The following GNAS variants were observed in gnomAD, a reference collection of about 807,000 sequenced individuals.
GNAS encodes GNAS complex locus.
A neutral mutation model predicts 54.5 loss-of-function variants in GNAS; 8 were observed. The ratio of observed to expected loss-of-function variants is 0.15; its 90% CI spans 0.09 to 0.26. The LOEUF (loss-of-function observed/expected upper bound fraction) is 0.26. GNAS is among the 10% of genes least tolerant of loss of function. The pLI, the probability that GNAS is intolerant of heterozygous loss-of-function variation, is 1.00. For missense variants in GNAS, 170 were observed against 529.8 expected (o/e 0.32, Z 6.67); for synonymous variants, 204 against 191.4 (o/e 1.07, Z -0.54).
intron 6 of GNAS, among the ~76,000 whole-genome samples, chr20:58,907,285 T>A (rs573384547): frequency 8.5e-5 from 13 of 152,214 alleles, no homozygotes; most frequent in Non-Finnish European, 1.6e-4. Flanking sequence ...CAAATGTGTA[T>A]ATTTTTTCAA....
At chr20:58,871,613 G>GAAAAAAAAAAAAAAAAA (rs757702769) in intron 1 of GNAS, among the ~76,000 whole-genome samples, 1 of 32,732 alleles carries the variant, frequency 3.1e-5, no homozygotes, top group African/African-American at 9.8e-5. Context: ...ATACTCCGTC[G>GAAAAAAAAAAAAAAAAA]AAAAAAAAAA....
chr20:58,908,798 A>G (rs1418951166), intron 6 of GNAS: 4 of 310,316 alleles, frequency 1.3e-5, no homozygotes, highest in Non-Finnish European at 2.5e-5. Context: ...TAAAGAAGCT[A>G]AGTAAAGAAT....
chr20:58,853,849 C>A lies in GNAS; in HGVS notation c.43+12963C>A, dbSNP rs780533831. 1.3e-6 allele frequency: 2 copies of A among 1,594,834 alleles called. No individual in the cohort carries two copies. Among genetic ancestry groups the A allele is most frequent in the Non-Finnish European group, 1.7e-6 (2 of 1,171,278 alleles). On this transcript the variant is annotated intron_variant, in intron 1 of 12. Coordinates refer to the GNAS transcript ENST00000306090. This position sits in a 1 kb window ranked among gnomAD's most constrained non-coding sequence, Gnocchi z 4.4. ...GGAGGCCCAGGTGCTGCAGGGGTCC[C>A]CGGAGCTCCTCCCGAGGAGCCCCAA... is the stretch of plus-strand genomic sequence containing the variant.
chr20:58,907,898 G>C (rs573311183), intron 6 of GNAS, among the ~76,000 whole-genome samples: 4 of 152,310 alleles, frequency 2.6e-5, no homozygotes, highest in African/African-American at 9.6e-5. Context: ...TATTTGTTGA[G>C]CTGGGGTTTG....
rs1215332974 is a variant in GNAS, at chr20:58,910,908, A to G, written c.*79A>G. On this transcript the variant is annotated 3_prime_UTR_variant, in exon 13 of 13. Coordinates refer to ENST00000371085, the MANE Select transcript of GNAS (RefSeq NM_000516.7). The surrounding 1 kb of genome is among the most constrained non-coding windows in gnomAD (Gnocchi z 5.8). ...AACGTAATTGTACAAGCAGTTAATCACCCACCATAGGGCATGATTAACAAA... is the reference window on the plus strand; with the variant it reads ...AACGTAATTGTACAAGCAGTTAATCGCCCACCATAGGGCATGATTAACAAA... The G allele has an allele frequency of 2.2e-6, 3 of 1,387,302 alleles. No homozygotes were observed. In the African/African-American group the frequency reaches 4.2e-5, roughly 20 times the overall value. 85.9% of individuals were successfully genotyped at this position (1,387,302 alleles called of 1,614,324 possible).
chr20:58,896,675 C>G (rs1466573293), intron 2 of GNAS, among the ~76,000 whole-genome samples: 1 of 151,848 alleles, frequency 6.6e-6, no homozygotes, highest in African/African-American at 2.4e-5. Flanking sequence ...GTTGACCAGT[C>G]TGTTTTCACT....
chr20:58,841,341 G>A lies in GNAS; in HGVS notation c.43+455G>A. The A allele has an allele frequency of 1.9e-6, 2 of 1,060,442 alleles. No homozygotes were observed. The highest frequency in any genetic ancestry group is 2.3e-6 in the Non-Finnish European group (2 of 876,424). 65.7% of individuals were successfully genotyped at this position (1,060,442 alleles called of 1,614,324 possible). A position where few individuals can be genotyped will look rare whatever the true frequency, so the allele number is the denominator to read the frequency against. On this transcript the variant is annotated intron_variant, in intron 1 of 12. Transcript: ENST00000306090. The surrounding 1 kb of genome is among the most constrained non-coding windows in gnomAD (Gnocchi z 5.0). ...GCGCGCGCCAACTTTCACGATGTGA[G>A]AGCAGCCGCGCTGTAGAGACACCGT...
rs142641868 is a variant in GNAS at position 58,843,654 on chromosome 20, G to C, written c.43+2768G>C. Among the ~76,000 whole-genome samples the C allele has an allele frequency of 1.7e-3, 261 of 152,346 alleles. 1 individual carries two copies. Among genetic ancestry groups the C allele is most frequent in the Non-Finnish European group, 2.8e-3 (189 of 68,036 alleles). Reference sequence around the variant, plus strand: ...AATATTTCAAATGGAGGGTGAGGGAGGAGGAGGAGCAGGAGAATAAAGCTA... The same window carrying C: ...AATATTTCAAATGGAGGGTGAGGGACGAGGAGGAGCAGGAGAATAAAGCTA... On this transcript the variant is annotated intron_variant, in intron 1 of 12. Transcript: ENST00000306090.
At chr20:58,875,469 G>C (rs906478406) in intron 1 of GNAS, among the ~76,000 whole-genome samples, 3 of 152,184 alleles carry the variant, frequency 2.0e-5, no homozygotes, top group Admixed American at 6.5e-5. Context: ...AGAGGCATTG[G>C]GGGGAACAGG....
At chr20:58,896,552 C>T (rs953464863) in intron 2 of GNAS, among the ~76,000 whole-genome samples, 1 of 151,766 alleles carries the variant, frequency 6.6e-6, no homozygotes, top group African/African-American at 2.4e-5. Context: ...TTCAATAAAT[C>T]GGGGAACTTG....
At chr20:58,903,273 A>G (rs2090793195) in intron 3 of GNAS, 1 of 580,156 alleles carries the variant, frequency 1.7e-6, no homozygotes, top group Non-Finnish European at 3.1e-6. Context: ...AATGAGCTGC[A>G]TGCAACTTCT....
rs1196586612 is a variant in GNAS, at chr20:58,910,104, C to A, written c.970+23C>A. The A allele has an allele frequency of 6.2e-7, 1 of 1,612,382 alleles. No individual in the cohort carries two copies. Among genetic ancestry groups the A allele is most frequent in the Non-Finnish European group, 8.5e-7 (1 of 1,178,436 alleles). On this transcript the variant is annotated intron_variant, in intron 11 of 12. Coordinates refer to ENST00000371085, the MANE Select transcript of GNAS (RefSeq NM_000516.7). This position sits in a 1 kb window ranked among gnomAD's most constrained non-coding sequence, Gnocchi z 5.8. ...ATGGTGTGTATGGCTTCCACTCTTGCTGGCTGTTCATTGCGGTGGTTCTTT... is the reference window on the plus strand; with the variant it reads ...ATGGTGTGTATGGCTTCCACTCTTGATGGCTGTTCATTGCGGTGGTTCTTT...
rs976984348 is a variant in GNAS at position 58,875,655 on chromosome 20, G to A, written c.44-19957G>A. ...CCAGATCTCCAAGTAGCAGCATAGT[G>A]CTTAGTGTTATTCTGCCTGGCAGCG... On this transcript the variant is annotated intron_variant, in intron 1 of 12. Transcript: ENST00000306090. 5.9e-5 allele frequency among the ~76,000 whole-genome samples: 9 copies of A among 152,314 alleles called. No homozygotes were observed. The South Asian group carries it at 1.5e-3, about 25-fold the overall frequency.
At chr20:58,840,843 A>G, upstream of GNAS, 1 of 1,612,170 alleles carries the variant, frequency 6.2e-7, no homozygotes, top group South Asian at 1.1e-5. This position sits in a 1 kb window ranked among gnomAD's most constrained non-coding sequence, Gnocchi z 6.0. Context: ...CGGCGTCACT[A>G]ATGGAGGACG....
intron 6 of GNAS, among the ~76,000 whole-genome samples, chr20:58,906,781 C>T (rs1006120795): frequency 1.4e-4 from 22 of 152,150 alleles, no homozygotes; most frequent in African/African-American, 5.1e-4. Flanking sequence ...CCACCTGCCT[C>T]GGCCTCCCAA....
upstream of GNAS, among the ~76,000 whole-genome samples, chr20:58,890,385 G>A (rs1395464142): frequency 1.3e-5 from 2 of 151,686 alleles, no homozygotes; most frequent in African/African-American, 4.8e-5. Flanking sequence ...CTCGAGCGAC[G>A]AGGACGACGC....
At chr20:58,886,723 A>G (rs970185533), upstream of GNAS, among the ~76,000 whole-genome samples, 4 of 152,058 alleles carry the variant, frequency 2.6e-5, no homozygotes, top group African/African-American at 9.7e-5. Flanking sequence ...AGCTCAGTAA[A>G]ATCTCTTCTT....
intron 3 of GNAS, chr20:58,900,030 G>A (rs937915941): frequency 1.3e-5 from 9 of 712,302 alleles, no homozygotes; most frequent in African/African-American, 1.8e-5. Flanking sequence ...GGAATTGCTC[G>A]GTCTTAGGAA....
At chr20:58,889,340 C>T, upstream of GNAS, 2 of 985,740 alleles carry the variant, frequency 2.0e-6, no homozygotes, top group Non-Finnish European at 2.4e-6. Flanking sequence ...CGTGTGAGTG[C>T]ACCTCACTCA....
Sources: gnomAD v4.1 joint callset for allele counts (sites outside exome capture counted in the v4.1 genomes callset) on GRCh38, gnomAD v4.1.1 for gene constraint, Gnocchi (gnomAD v3.1) non-coding constraint, MANE v1.5 for transcripts, NCBI Gene and HGNC (gene_info 2026-07-23, HGNC 2026-07-21) for gene names.